Variants in NTNG1 observed in about 807,000 individuals in gnomAD.
The protein encoded by NTNG1 is netrin G1, also known as netrin-G1.
Under a neutral mutation model 54.0 loss-of-function variants are expected in NTNG1, and 16 were observed. That is an observed-to-expected ratio of 0.30 (90% CI 0.20 to 0.45). The LOEUF (loss-of-function observed/expected upper bound fraction) is 0.45, where lower values mean the gene tolerates loss of function less well. Among genes scored for constraint, NTNG1 ranks in the 20% least tolerant of loss-of-function variants. The probability of loss-of-function intolerance (pLI) is 1.00; values close to 1 mark genes in which losing one functional copy is unlikely to be tolerated. For synonymous variants in NTNG1, 255 were observed against 263.1 expected (o/e 0.97, Z 0.30); for missense variants, 530 against 678.7 (o/e 0.78, Z 2.43).
chr1:107,405,073 C>T (rs906951807), intron 4 of NTNG1, among the ~76,000 whole-genome samples: 2 of 152,272 alleles, frequency 1.3e-5, no homozygotes, highest in South Asian at 2.1e-4. Context: ...TAGCCCTTTC[C>T]GTCTTATCCC....
chr1:107,376,417 C>CCA (rs1557945943), intron 3 of NTNG1, among the ~76,000 whole-genome samples: 2 of 148,000 alleles, frequency 1.4e-5, no homozygotes, highest in Admixed American at 6.7e-5. Context: ...CAAAACAAAA[C>CCA]AAAAAAAAAA....
At chr1:107,167,453 A>G (rs548362816) in intron 2 of NTNG1, among the ~76,000 whole-genome samples, 1 of 151,934 alleles carries the variant, frequency 6.6e-6, no homozygotes, top group South Asian at 2.1e-4. Context: ...AATAACTTGT[A>G]TAATTATTAG....
At chr1:107,346,482 T>C (rs1018750326) in intron 3 of NTNG1, among the ~76,000 whole-genome samples, 1 of 152,138 alleles carries the variant, frequency 6.6e-6, no homozygotes, top group African/African-American at 2.4e-5. Flanking sequence ...CTTAACTACA[T>C]AGGTTCTGAT....
At chr1:107,249,595 G>A (rs891839989) in intron 2 of NTNG1, among the ~76,000 whole-genome samples, 5 of 151,974 alleles carry the variant, frequency 3.3e-5, no homozygotes, top group Non-Finnish European at 5.9e-5. Context: ...GTGTTATTGT[G>A]ATGAGACTAC....
intron 6 of NTNG1, among the ~76,000 whole-genome samples, chr1:107,431,639 C>T (rs966678131): frequency 1.3e-5 from 2 of 152,064 alleles, no homozygotes; most frequent in Non-Finnish European, 2.9e-5. Context: ...CCTTTCCCAC[C>T]CAGAAAATCT....
intron 2 of NTNG1, among the ~76,000 whole-genome samples, chr1:107,185,061 C>G (rs1322017127): frequency 6.6e-6 from 1 of 152,140 alleles, no homozygotes; most frequent in African/African-American, 2.4e-5. Flanking sequence ...ACTGGAGCAC[C>G]TTCATGTGGC....
At chr1:107,408,235 T>C (rs1673572819) in intron 5 of NTNG1, 2 of 211,058 alleles carry the variant, frequency 9.5e-6, no homozygotes, top group African/African-American at 4.7e-5. Context: ...GGCAAATTTG[T>C]GATCAGTAGT....
chr1:107,330,723 G>A (rs896391558), intron 3 of NTNG1: 4 of 152,140 alleles, frequency 2.6e-5, no homozygotes, highest in Non-Finnish European at 5.9e-5. Context: ...TGTAGAGAGA[G>A]ATTTGAGCTC....
intron 2 of NTNG1, among the ~76,000 whole-genome samples, chr1:107,243,005 G>A (rs927425209): frequency 6.6e-6 from 1 of 152,222 alleles, no homozygotes; most frequent in Non-Finnish European, 1.5e-5. Flanking sequence ...AGGTAAGGTT[G>A]CCAGAGGGTT....
At position 107,206,022 on chromosome 1, in the gene NTNG1, T is replaced by A. The variant is rs150051888; in HGVS notation, c.246+57183T>A. Among the ~76,000 whole-genome samples, 689 of 152,298 alleles carry A rather than the reference T, an allele frequency of 4.5e-3. 5 individuals are homozygous for A. Among genetic ancestry groups the A allele is most frequent in the Middle Eastern group, 0.02 (6 of 294 alleles). ...ACTGTGACAATTTATCTGTCCATTC[T>A]AAAGTGTATGAAGATTTTCATAGTT... On this transcript the variant is annotated intron_variant, in intron 2 of 7. Transcript: ENST00000370068.
intron 7 of NTNG1, among the ~76,000 whole-genome samples, chr1:107,454,927 C>T (rs866485970): frequency 6.6e-6 from 1 of 152,210 alleles, no homozygotes; most frequent in Non-Finnish European, 1.5e-5. Flanking sequence ...TCCTCTCCAC[C>T]CCACACCAAC....
At chr1:107,338,872 T>TA (rs66513954) in intron 3 of NTNG1, among the ~76,000 whole-genome samples, 13,030 of 148,208 alleles carry the variant, frequency 0.088, 656 homozygotes, top group East Asian at 0.16. Context: ...TAAGAAGCTT[T>TA]AAAAAAAAAA....
intron 2 of NTNG1, among the ~76,000 whole-genome samples, chr1:107,258,279 G>A (rs1410736084): frequency 7.2e-6 from 1 of 139,318 alleles, no homozygotes; most frequent in Non-Finnish European, 1.5e-5. Flanking sequence ...CATTTTATTA[G>A]TGGTTGAGGA....
chr1:107,345,598 A>G (rs563314698), intron 3 of NTNG1, among the ~76,000 whole-genome samples: 1 of 152,228 alleles, frequency 6.6e-6, no homozygotes, highest in South Asian at 2.1e-4. Context: ...GTCCAGCACC[A>G]TTGTTCTAAA....
intron 2 of NTNG1, among the ~76,000 whole-genome samples, chr1:107,304,540 A>G (rs1246136373): frequency 6.6e-6 from 1 of 152,168 alleles, no homozygotes; most frequent in Non-Finnish European, 1.5e-5. Context: ...TATAAAAAAC[A>G]TATTACTACT....
intron 7 of NTNG1, among the ~76,000 whole-genome samples, chr1:107,439,113 C>A (rs967678035): frequency 6.6e-6 from 1 of 152,032 alleles, no homozygotes; most frequent in African/African-American, 2.4e-5. Context: ...AATCAGAGCT[C>A]AATAAGAGGA....
chr1:107,158,155 A>T (rs1157494945), intron 2 of NTNG1, among the ~76,000 whole-genome samples: 1 of 152,176 alleles, frequency 6.6e-6, no homozygotes, highest in African/African-American at 2.4e-5. Context: ...CTTGTATAAA[A>T]CTGCTGGTAT....
chr1:107,230,946 T>C (rs1458683607), intron 2 of NTNG1, among the ~76,000 whole-genome samples: 1 of 152,164 alleles, frequency 6.6e-6, no homozygotes, highest in Non-Finnish European at 1.5e-5. Context: ...TAATGTGTTA[T>C]CCATATATTG....
chr1:107,333,997 T>C (rs1668433323), intron 3 of NTNG1: 1 of 151,828 alleles, frequency 6.6e-6, no homozygotes, highest in Non-Finnish European at 1.5e-5. Flanking sequence ...AAAAATGAAA[T>C]GCCAAGTGGT....
Sources: gnomAD v4.1 joint callset for allele counts (sites outside exome capture counted in the v4.1 genomes callset) on GRCh38, gnomAD v4.1.1 for gene constraint, MANE v1.5 for transcripts, NCBI Gene and HGNC (gene_info 2026-07-23, HGNC 2026-07-21) for gene names.